Variants in FBXW10 observed in about 807,000 individuals in gnomAD.
FBXW10 encodes F-box/WD repeat-containing protein 10.
Under a neutral mutation model 113.1 loss-of-function variants are expected in FBXW10, and 68 were observed. That is an observed-to-expected ratio of 0.60 (90% CI 0.49 to 0.74). The LOEUF is 0.74. FBXW10 is among the 30% of genes least tolerant of loss of function. FBXW10 has a pLI of 0.00. For missense variants in FBXW10, 753 were observed against 1,284.5 expected (o/e 0.59, Z 6.32); for synonymous variants, 289 against 481.6 (o/e 0.60, Z 5.24).
chr17:18,765,575 G>A (rs1349406248), intron 8 of FBXW10, among the ~76,000 whole-genome samples: 1 of 152,208 alleles, frequency 6.6e-6, no homozygotes, highest in Non-Finnish European at 1.5e-5. Flanking sequence ...GTCATCGCCG[G>A]CTGTTAGTGC....
At chr17:18,751,652 A>G (rs2035174022) in intron 5 of FBXW10, among the ~76,000 whole-genome samples, 1 of 152,236 alleles carries the variant, frequency 6.6e-6, no homozygotes, top group South Asian at 2.1e-4. Context: ...CCATGGCACC[A>G]GGTCATTTAG....
intron 6 of FBXW10, among the ~76,000 whole-genome samples, chr17:18,756,888 G>A (rs905058016): frequency 1.3e-5 from 2 of 152,148 alleles, no homozygotes; most frequent in African/African-American, 4.8e-5. Context: ...TAATAGAACA[G>A]TCGGTATGGG....
At chr17:18,750,641 C>T (rs1467584582) in intron 4 of FBXW10, among the ~76,000 whole-genome samples, 1 of 151,660 alleles carries the variant, frequency 6.6e-6, no homozygotes, top group Non-Finnish European at 1.5e-5. Flanking sequence ...TTTTTTTTCC[C>T]CCAGCAGAGA....
chr17:18,747,584 A>C (rs2081314995), intron 1 of FBXW10, among the ~76,000 whole-genome samples: 2 of 152,096 alleles, frequency 1.3e-5, no homozygotes, highest in Admixed American at 1.3e-4. Context: ...AAACCAAAAA[A>C]AAGTTAAATG....
intron 11 of FBXW10, among the ~76,000 whole-genome samples, chr17:18,771,347 C>T (rs1024301054): frequency 6.6e-5 from 10 of 152,136 alleles, no homozygotes; most frequent in African/African-American, 2.4e-4. Context: ...AGAGTATTTT[C>T]ATTTCTTGTT....
intron 12 of FBXW10, among the ~76,000 whole-genome samples, chr17:18,772,988 G>A (rs1252103477): frequency 2.7e-5 from 4 of 150,750 alleles, no homozygotes; most frequent in African/African-American, 4.9e-5. Flanking sequence ...GAGTGCAATG[G>A]CACAATCTTG....
intron 7 of FBXW10, among the ~76,000 whole-genome samples, chr17:18,761,974 T>A (rs1349834635): frequency 6.6e-6 from 1 of 152,068 alleles, no homozygotes; most frequent in Admixed American, 6.5e-5. Context: ...TTTTTCTTTT[T>A]TTTTTTGAGA....
At chr17:18,776,322 T>TA (rs373096488) in intron 13 of FBXW10, among the ~76,000 whole-genome samples, 15 of 146,676 alleles carry the variant, frequency 1.0e-4, no homozygotes, top group South Asian at 2.1e-4. Flanking sequence ...AGATTCCGTT[T>TA]AAAAAAAAAA....
In FBXW10 at chr17:18,768,537, C is replaced by G. The variant is rs2035547997; in HGVS notation, c.1708C>G (p.Leu570Val). ...HIAMAQLVKT[L>V]SGHEGAVKCL... ...ACAGTGGTATCTTTTCTTGCAGACT[C>G]TCAGTGGCCATGAGGGAGCCGTGAA... Residue 570 changes from leucine to valine, a missense_variant, in exon 10 of 14, where the codon CTC (leucine) becomes GTC (valine). Transcript: ENST00000395665. 6.2e-7 allele frequency: 1 copy of G among 1,613,972 alleles called. No homozygotes were observed. The highest frequency in any genetic ancestry group is 8.5e-7 in the Non-Finnish European group (1 of 1,180,032).
chr17:18,756,661 A>G (rs1020356925), intron 6 of FBXW10, among the ~76,000 whole-genome samples: 1 of 152,060 alleles, frequency 6.6e-6, no homozygotes, highest in African/African-American at 2.4e-5. Flanking sequence ...CCAGCCCAGC[A>G]AAGTACTATA....
At position 18,772,477 on chromosome 17, in the gene FBXW10, C is replaced by A. The variant is rs2035633733; in HGVS notation, c.2072C>A (p.Ala691Asp). 6.2e-7 allele frequency: 1 copy of A among 1,613,624 alleles called. No individual in the cohort carries two copies. Among genetic ancestry groups the A allele is most frequent in the Admixed American group, 1.7e-5 (1 of 59,996 alleles). The change falls in exon 12 of 14, where the codon GCC (alanine) becomes GAC (aspartate). Residue 691 changes from alanine (A) to aspartate (D), a missense_variant. Ala to Asp is a moderately radical substitution (Grantham distance 126). Transcript: ENST00000395665. Reference sequence around the variant, plus strand: ...TTTGAGCACATAAAGTGGCAGTATGCCGTGGAAAAAACGAAACAAAAGAAG... The same window carrying A: ...TTTGAGCACATAAAGTGGCAGTATGACGTGGAAAAAACGAAACAAAAGAAG... ...FQFEHIKWQY[A>D]VEKTKQKKNK... is the part of the protein sequence containing the mutation.
intron 9 of FBXW10, among the ~76,000 whole-genome samples, 192 bp downstream of exon 9, chr17:18,767,054 C>G (rs1488758852): frequency 6.6e-6 from 1 of 152,168 alleles, no homozygotes; most frequent in African/African-American, 2.4e-5. Context: ...CTCCACCACC[C>G]ACATCATGAC....
At chr17:18,759,068 G>A (rs1215093936) in intron 7 of FBXW10, among the ~76,000 whole-genome samples, 2 of 152,040 alleles carry the variant, frequency 1.3e-5, no homozygotes, top group East Asian at 1.9e-4. Flanking sequence ...TACTCGGGAC[G>A]CTGAGGCAGG....
intron 7 of FBXW10, among the ~76,000 whole-genome samples, chr17:18,760,815 A>G (rs544460327): frequency 6.6e-6 from 1 of 152,122 alleles, no homozygotes; most frequent in Admixed American, 6.5e-5. Flanking sequence ...GAATGTAATA[A>G]AATATCAGTT....
In FBXW10 at chr17:18,779,246, C is replaced by G. The variant is rs771879072; in HGVS notation, c.3107C>G (p.Thr1036Arg). The change falls in exon 14 of 14, where the codon ACG becomes AGG. Residue 1036 changes from threonine (T) to arginine (R), a missense_variant. Coordinates refer to ENST00000395665, the MANE Select transcript of FBXW10 (RefSeq NM_001267585.2). Reference sequence around the variant, plus strand: ...AAAGGCCTGCCTATTGATAATTTCACGAAGCAAGGGAAAACAGCGGCCCCT... The same window carrying G: ...AAAGGCCTGCCTATTGATAATTTCAGGAAGCAAGGGAAAACAGCGGCCCCT... ...KIKGLPIDNFTKQGKTAAPEL... is the reference protein window; with the variant it reads ...KIKGLPIDNFRKQGKTAAPEL... 2.3e-6 allele frequency: 3 copies of G among 1,310,966 alleles called. No individual in the cohort carries two copies. In the East Asian group the frequency reaches 6.9e-5, roughly 30 times the overall value. 81.2% of individuals were successfully genotyped at this position (1,310,966 alleles called of 1,614,324 possible). A position where few individuals can be genotyped will look rare whatever the true frequency, so the allele number is the denominator to read the frequency against.
In FBXW10 at chr17:18,769,995, T is replaced by G; in HGVS notation, c.1916T>G (p.Ile639Ser). ...ISACADGKIRIYNFLNGNCMK... is the reference protein window; with the variant it reads ...ISACADGKIRSYNFLNGNCMK... ...GCCTGTGCAGATGGCAAGATCCGAA[T>G]TTACAATTTCCTCAACGGGAACTGT... The change falls in exon 11 of 14, where the codon ATT becomes AGT. Residue 639 changes from isoleucine (I) to serine (S), a missense_variant. Ile to Ser is a moderately radical substitution (Grantham distance 142, BLOSUM62 -2). Coordinates refer to ENST00000395665, the MANE Select transcript of FBXW10 (RefSeq NM_001267585.2). 6.2e-7 allele frequency: 1 copy of G among 1,614,216 alleles called. No homozygotes were observed. The highest frequency in any genetic ancestry group is 8.5e-7 in the Non-Finnish European group (1 of 1,180,042).
chr17:18,752,214 A>G (rs1332775294), intron 5 of FBXW10, among the ~76,000 whole-genome samples: 1 of 151,994 alleles, frequency 6.6e-6, no homozygotes, highest in Non-Finnish European at 1.5e-5. Flanking sequence ...GCTGTCATGG[A>G]CTGGACAGTT....
chr17:18,764,388 G>C (rs1160962731), intron 7 of FBXW10, among the ~76,000 whole-genome samples: 2 of 151,908 alleles, frequency 1.3e-5, no homozygotes, highest in Non-Finnish European at 2.9e-5. Flanking sequence ...TTTTAGTAGA[G>C]ACAGGGTTTC....
chr17:18,747,497 A>G (rs192111404), intron 1 of FBXW10, among the ~76,000 whole-genome samples: 312 of 152,278 alleles, frequency 2.0e-3, no homozygotes, highest in African/African-American at 7.3e-3. Flanking sequence ...CGGAGGTTGC[A>G]GTGAGCCAAG....
Sources: allele counts gnomAD v4.1 joint callset (sites outside exome capture counted in the v4.1 genomes callset), GRCh38; gene constraint gnomAD v4.1.1; transcripts MANE v1.5; gene names NCBI Gene and HGNC (gene_info 2026-07-23, HGNC 2026-07-21).